Variants in LRP1B observed in about 807,000 individuals in gnomAD.
The protein encoded by LRP1B is low-density lipoprotein receptor-related protein 1B.
LRP1B carries 217 observed loss-of-function variants against 556.6 expected under a neutral mutation model. The ratio of observed to expected loss-of-function variants is 0.39; its 90% CI spans 0.35 to 0.44. The LOEUF (loss-of-function observed/expected upper bound fraction) is 0.44. LRP1B is among the 20% of genes least tolerant of loss of function. The pLI, the probability that LRP1B is intolerant of heterozygous loss-of-function variation, is 1.00. For missense variants in LRP1B, 5,053 were observed against 5,620.8 expected, an observed-to-expected ratio of 0.90 and a Z score of 3.23; for synonymous variants, 2,047 against 1,865.8, an observed-to-expected ratio of 1.10 and a Z score of -2.50.
At chr2:142,127,615 C>T (rs1460668363) in intron 1 of LRP1B, among the ~76,000 whole-genome samples, 2 of 151,920 alleles carry the variant, frequency 1.3e-5, no homozygotes, top group African/African-American at 4.8e-5. Flanking sequence ...GCAACCTCTT[C>T]AAAACAAAAC....
At chr2:140,590,086 T>G (rs1362971930) in intron 43 of LRP1B, among the ~76,000 whole-genome samples, 5 of 152,028 alleles carry the variant, frequency 3.3e-5, no homozygotes, top group Middle Eastern at 3.2e-3. Context: ...ATAAAAATGT[T>G]TAATTAAAAA....
Position 141,097,720 on chromosome 2 carries a change from C to A in LRP1B, c.1014-35447G>T, listed in dbSNP as rs190958267. On this transcript the variant is annotated intron_variant, in intron 7 of 90. Transcript: ENST00000389484. Reference sequence around the variant, plus strand: ...GAAATGTCAATTTTCTTGAAAACTACAGAACATAAAATGGATATGTTTTCA... The same window carrying A: ...GAAATGTCAATTTTCTTGAAAACTAAAGAACATAAAATGGATATGTTTTCA... Among the ~76,000 whole-genome samples, 61 of 152,162 alleles carry A rather than the reference C, an allele frequency of 4.0e-4. No individual in the cohort carries two copies. The East Asian group carries it at 0.011, about 27-fold the overall frequency.
intron 7 of LRP1B, among the ~76,000 whole-genome samples, chr2:141,163,006 T>A (rs1011996868): frequency 6.6e-6 from 1 of 152,102 alleles, no homozygotes; most frequent in Non-Finnish European, 1.5e-5. Context: ...GAAAGAGGTT[T>A]GTCATCGTCA....
chr2:140,620,253 A>C (rs1246770036), intron 41 of LRP1B, among the ~76,000 whole-genome samples: 1 of 152,190 alleles, frequency 6.6e-6, no homozygotes, highest in Admixed American at 6.5e-5. Flanking sequence ...GGTGACATCA[A>C]AAATGACAGT....
chr2:141,786,874 C>A (rs1364136209), intron 2 of LRP1B, among the ~76,000 whole-genome samples: 1 of 151,836 alleles, frequency 6.6e-6, no homozygotes, highest in Non-Finnish European at 1.5e-5. Context: ...TTGCCAAATG[C>A]CTTCGCTGCA....
intron 77 of LRP1B, among the ~76,000 whole-genome samples, chr2:140,346,160 A>T (rs1475724341): frequency 6.6e-6 from 1 of 151,686 alleles, no homozygotes; most frequent in African/African-American, 2.4e-5. Context: ...ACCAAAAGTA[A>T]CAAGTAGGCT....
intron 8 of LRP1B, among the ~76,000 whole-genome samples, chr2:141,060,647 C>T (rs775044588): frequency 1.3e-5 from 2 of 151,654 alleles, no homozygotes; most frequent in Admixed American, 6.6e-5. Context: ...AAAAAGCCTG[C>T]TACATAAGAG....
intron 2 of LRP1B, among the ~76,000 whole-genome samples, chr2:141,731,646 A>T (rs962306492): frequency 6.6e-6 from 1 of 152,100 alleles, no homozygotes; most frequent in African/African-American, 2.4e-5. Context: ...CCAGCATTAC[A>T]TTCTGGTTTC....
At chr2:141,299,751 A>AT (rs1686315578) in intron 3 of LRP1B, among the ~76,000 whole-genome samples, 1 of 152,218 alleles carries the variant, frequency 6.6e-6, no homozygotes, top group African/African-American at 2.4e-5. Context: ...ATCCTTTTGT[A>AT]TGTTACCTAA....
intron 83 of LRP1B, among the ~76,000 whole-genome samples, chr2:140,298,546 ATCTAATTTTG>A (rs1369940792): frequency 6.6e-6 from 1 of 152,204 alleles, no homozygotes; most frequent in Non-Finnish European, 1.5e-5. Context: ...TAAGTGCTAA[ATCTAATTTTG>A]TCTAATTTTG....
intron 2 of LRP1B, among the ~76,000 whole-genome samples, chr2:141,517,151 T>G (rs6706356): frequency 0.97 from 147,510 of 151,694 alleles, 71,851 homozygotes; most frequent in East Asian, 1. Flanking sequence ...TTTACATGAG[T>G]TACTATTTTC....
intron 9 of LRP1B, 94 bp from the exon 10 acceptor site, chr2:141,055,353 C>G (rs2105456654): frequency 7.2e-7 from 1 of 1,396,720 alleles, no homozygotes; most frequent in South Asian, 1.4e-5. Context: ...AGTGTAAAAA[C>G]AGGGAATCTT....
intron 21 of LRP1B, among the ~76,000 whole-genome samples, chr2:140,913,243 C>T (rs1694475698): frequency 6.6e-6 from 1 of 151,810 alleles, no homozygotes; most frequent in Admixed American, 6.6e-5. Context: ...TGGTTTTCTA[C>T]TGAAGAGTGT....
chr2:141,411,129 G>C (rs769517921), intron 3 of LRP1B, among the ~76,000 whole-genome samples: 12 of 152,012 alleles, frequency 7.9e-5, no homozygotes, highest in Non-Finnish European at 1.3e-4. Context: ...TAAGGAAACA[G>C]AAGATGAAAT....
chr2:141,285,873 C>T lies in LRP1B; in HGVS notation c.344-31232G>A, dbSNP rs1368900617. Among the ~76,000 whole-genome samples, 48 of 148,586 alleles carry T rather than the reference C, an allele frequency of 3.2e-4. No homozygotes were observed. In the East Asian group the frequency reaches 8.3e-3, roughly 26 times the overall value. On this transcript the variant is annotated intron_variant, in intron 3 of 90. Coordinates refer to ENST00000389484, the MANE Select transcript of LRP1B (RefSeq NM_018557.3). Reference sequence around the variant, plus strand: ...CGAGGTCAGGAGATCGAGACCATCCCGGCTACAACGGTGAAACCCCGTCTC... The same window carrying T: ...CGAGGTCAGGAGATCGAGACCATCCTGGCTACAACGGTGAAACCCCGTCTC...
At chr2:140,337,423 T>C (rs1432491994) in intron 77 of LRP1B, among the ~76,000 whole-genome samples, 1 of 151,926 alleles carries the variant, frequency 6.6e-6, no homozygotes, top group Non-Finnish European at 1.5e-5. Context: ...GTTTAGAATA[T>C]AAATATTTGT....
At chr2:140,323,837 G>A in intron 81 of LRP1B, 56 bp downstream of exon 81, 1 of 847,400 alleles carries the variant, frequency 1.2e-6, no homozygotes, top group South Asian at 2.3e-5. Context: ...ATTATTTTGA[G>A]AGATACAAGA....
chr2:141,115,358 C>G (rs931433101), intron 7 of LRP1B, among the ~76,000 whole-genome samples: 1 of 152,024 alleles, frequency 6.6e-6, no homozygotes, highest in African/African-American at 2.4e-5. Flanking sequence ...ACCCTGGACA[C>G]TACTGCTACT....
intron 83 of LRP1B, among the ~76,000 whole-genome samples, chr2:140,308,528 A>T (rs530288102): frequency 6.6e-6 from 1 of 151,794 alleles, no homozygotes; most frequent in Non-Finnish European, 1.5e-5. Context: ...TCATTTGTCT[A>T]TGTGAACCAT....
Sources: gnomAD v4.1 joint callset for allele counts (sites outside exome capture counted in the v4.1 genomes callset) on GRCh38, gnomAD v4.1.1 for gene constraint, MANE v1.5 for transcripts, NCBI Gene and HGNC (gene_info 2026-07-23, HGNC 2026-07-21) for gene names.